Variants in STK32B observed in about 807,000 individuals in gnomAD.
STK32B encodes serine/threonine kinase 32B.
STK32B carries 43 observed loss-of-function variants against 52.6 expected under a neutral mutation model. That is an observed-to-expected ratio of 0.82 (90% CI 0.64 to 1.05). The LOEUF (loss-of-function observed/expected upper bound fraction) is 1.05, where lower values mean the gene tolerates loss of function less well. STK32B is among the 50% of genes least tolerant of loss of function. The probability of loss-of-function intolerance (pLI) is 0.00; values close to 1 mark genes in which losing one functional copy is unlikely to be tolerated. For synonymous variants in STK32B, 238 were observed against 204.3 expected (o/e 1.17, Z -1.41); for missense variants, 621 against 534.6 (o/e 1.16, Z -1.59).
chr4:5,021,667 T>C, the STK32B span, among the ~76,000 whole-genome samples: 1 of 152,228 alleles, frequency 6.6e-6, no homozygotes, highest in African/African-American at 2.4e-5. Context: ...GTGAGATAAA[T>C]GTACTGCTGG....
At chr4:5,230,024 C>A (rs1029134255) in intron 3 of STK32B, among the ~76,000 whole-genome samples, 1 of 151,864 alleles carries the variant, frequency 6.6e-6, no homozygotes, top group Non-Finnish European at 1.5e-5. Context: ...TGGAGTCTCG[C>A]TCTTGTCGTC....
intron 4 of STK32B, among the ~76,000 whole-genome samples, chr4:5,372,661 T>TC (rs1338815843): frequency 1.4e-5 from 2 of 146,732 alleles, no homozygotes; most frequent in East Asian, 2.1e-4. Flanking sequence ...TCTACCTGTA[T>TC]CATTACAGTA....
rs1407364307 is a variant in STK32B at position 5,378,403 on chromosome 4, T to G, written c.435-19804T>G. ...AAGCCCTGTGCCTGGGTCGTAGCCCTGGACTTTGCATTTTATTTTATTTTT... is the reference window on the plus strand; with the variant it reads ...AAGCCCTGTGCCTGGGTCGTAGCCCGGGACTTTGCATTTTATTTTATTTTT... On this transcript the variant is annotated intron_variant, in intron 4 of 11. Transcript: ENST00000282908. This position sits in a 1 kb window ranked among gnomAD's most constrained non-coding sequence, Gnocchi z 4.4. 1.3e-5 allele frequency among the ~76,000 whole-genome samples: 2 copies of G among 152,222 alleles called. No homozygotes were observed. The highest frequency in any genetic ancestry group is 2.9e-5 in the Non-Finnish European group (2 of 68,034).
chr4:5,267,158 T>G (rs565449967), intron 3 of STK32B, among the ~76,000 whole-genome samples: 9 of 152,190 alleles, frequency 5.9e-5, no homozygotes, highest in Admixed American at 2.6e-4. Flanking sequence ...TTTGCAGTCA[T>G]CTTGTTGAAA....
At chr4:5,131,633 T>C (rs1577090057) in intron 1 of STK32B, among the ~76,000 whole-genome samples, 1 of 152,314 alleles carries the variant, frequency 6.6e-6, no homozygotes, top group East Asian at 1.9e-4. Flanking sequence ...CTGCTGCTCC[T>C]GGGGACTGTC....
At chr4:5,173,833 T>A (rs1010735740) in intron 3 of STK32B, among the ~76,000 whole-genome samples, 4 of 152,298 alleles carry the variant, frequency 2.6e-5, no homozygotes, top group South Asian at 2.1e-4. Context: ...CTTGGTGCAG[T>A]GCTGAGTTCA....
chr4:5,202,780 C>A (rs1722259531), intron 3 of STK32B, among the ~76,000 whole-genome samples: 1 of 152,226 alleles, frequency 6.6e-6, no homozygotes, highest in Admixed American at 6.5e-5. Context: ...GTTCCATCCC[C>A]TCATGTCTGT....
intron 7 of STK32B, among the ~76,000 whole-genome samples, chr4:5,452,537 A>G (rs376317052): frequency 6.6e-5 from 10 of 152,292 alleles, no homozygotes; most frequent in African/African-American, 1.7e-4. Flanking sequence ...AGGACCCTGC[A>G]GAGATGATTC....
At chr4:5,065,179 C>T (rs1044650592) in intron 1 of STK32B, among the ~76,000 whole-genome samples, 3 of 152,118 alleles carry the variant, frequency 2.0e-5, no homozygotes, top group African/African-American at 7.2e-5. Context: ...CCAGAACCTA[C>T]ACCAGTTTTC....
rs962551462 is a variant in STK32B at position 5,165,621 on chromosome 4, T to C, written c.109-2678T>C. 5.9e-5 allele frequency among the ~76,000 whole-genome samples: 9 copies of C among 152,228 alleles called. No individual in the cohort carries two copies. In the East Asian group the frequency reaches 1.4e-3, roughly 23 times the overall value. ...GAGAGAGACCACAAATTCTAATTAGTGGGATTATCCTCCCACGACATGTCT... is the reference window on the plus strand; with the variant it reads ...GAGAGAGACCACAAATTCTAATTAGCGGGATTATCCTCCCACGACATGTCT... On this transcript the variant is annotated intron_variant, in intron 2 of 11. Transcript: ENST00000282908.
intron 11 of STK32B, among the ~76,000 whole-genome samples, chr4:5,498,220 A>G (rs893634648): frequency 7.9e-5 from 12 of 152,158 alleles, no homozygotes; most frequent in Non-Finnish European, 1.6e-4. Context: ...TCCACATGCA[A>G]TGACAGCTGT....
intron 6 of STK32B, among the ~76,000 whole-genome samples, chr4:5,417,864 A>C (rs941066690): frequency 5.9e-5 from 9 of 152,204 alleles, no homozygotes; most frequent in African/African-American, 2.2e-4. Context: ...AGACGCATTC[A>C]ACTGGTAGGT....
intron 3 of STK32B, among the ~76,000 whole-genome samples, chr4:5,315,966 A>G (rs1560309723): frequency 2.0e-5 from 3 of 150,216 alleles, no homozygotes; most frequent in African/African-American, 7.4e-5. Flanking sequence ...CGGCCTCCCA[A>G]ATTGCTGGGA....
intron 3 of STK32B, among the ~76,000 whole-genome samples, chr4:5,240,114 T>G (rs1724916607): frequency 6.6e-6 from 1 of 151,902 alleles, no homozygotes; most frequent in Non-Finnish European, 1.5e-5. Flanking sequence ...TCCTTGGGTT[T>G]GACATGTTTG....
intron 11 of STK32B, among the ~76,000 whole-genome samples, chr4:5,468,921 G>A (rs1466170953): frequency 6.6e-6 from 1 of 152,088 alleles, no homozygotes; most frequent in African/African-American, 2.4e-5. Flanking sequence ...GCAGTGGCGG[G>A]CACCTGTAGT....
At chr4:5,429,532 CATTCT>C (rs1713385282) in intron 6 of STK32B, among the ~76,000 whole-genome samples, 1 of 139,062 alleles carries the variant, frequency 7.2e-6, no homozygotes, top group African/African-American at 2.7e-5. Context: ...TACCCAAATT[CATTCT>C]ATTCATCTCT....
chr4:5,353,300 C>CATTTTGAA (rs371458070), intron 4 of STK32B, among the ~76,000 whole-genome samples: 5 of 151,768 alleles, frequency 3.3e-5, no homozygotes, highest in African/African-American at 1.2e-4. Context: ...TATAAAACTA[C>CATTTTGAA]TGGAAGAAAA....
intron 1 of STK32B, among the ~76,000 whole-genome samples, chr4:5,125,764 A>G (rs1577085156): frequency 6.6e-6 from 1 of 152,160 alleles, no homozygotes; most frequent in South Asian, 2.1e-4. Flanking sequence ...CCTCCTTCAC[A>G]GTGAAAATAG....
At chr4:5,372,802 A>G (rs1253915569) in intron 4 of STK32B, among the ~76,000 whole-genome samples, 4 of 151,048 alleles carry the variant, frequency 2.6e-5, no homozygotes, top group African/African-American at 7.3e-5. Context: ...TTGAATTCAG[A>G]TTGATTTTTG....
Sources: gnomAD v4.1 joint callset for allele counts (sites outside exome capture counted in the v4.1 genomes callset) on GRCh38, gnomAD v4.1.1 for gene constraint, Gnocchi (gnomAD v3.1) non-coding constraint, MANE v1.5 for transcripts, NCBI Gene and HGNC (gene_info 2026-07-23, HGNC 2026-07-21) for gene names.